Variants in RPS6KA5 observed in about 807,000 individuals in gnomAD.
RPS6KA5 encodes ribosomal protein S6 kinase alpha-5.
Under a neutral mutation model 85.5 loss-of-function variants are expected in RPS6KA5, and 27 were observed. The observed-to-expected ratio is 0.32, with a 90% CI of 0.23 to 0.44. RPS6KA5 has a LOEUF of 0.44. Among genes scored for constraint, RPS6KA5 ranks in the 20% least tolerant of loss-of-function variants. The pLI is 1.00. For synonymous variants in RPS6KA5, 334 were observed against 348.2 expected (o/e 0.96, Z 0.46); for missense variants, 811 against 980.9 (o/e 0.83, Z 2.31).
At chr14:91,015,765 C>A (rs539592661) in intron 1 of RPS6KA5, among the ~76,000 whole-genome samples, 1 of 152,204 alleles carries the variant, frequency 6.6e-6, no homozygotes. Flanking sequence ...CTTGTTCTTA[C>A]AGCAATAAAC....
intron 3 of RPS6KA5, among the ~76,000 whole-genome samples, chr14:90,970,815 T>G (rs1404317774): frequency 1.3e-5 from 2 of 151,834 alleles, no homozygotes; most frequent in Non-Finnish European, 2.9e-5. Flanking sequence ...GTTACAAGAT[T>G]TGGGAAAAGT....
intron 13 of RPS6KA5, among the ~76,000 whole-genome samples, chr14:90,891,513 G>A (rs2034555451): frequency 6.6e-6 from 1 of 152,032 alleles, no homozygotes; most frequent in Non-Finnish European, 1.5e-5. Flanking sequence ...GAAAGTAAGT[G>A]AAATCTGATT....
intron 4 of RPS6KA5, among the ~76,000 whole-genome samples, chr14:90,946,280 T>C (rs2037865296): frequency 6.9e-6 from 1 of 145,284 alleles, no homozygotes; most frequent in African/African-American, 2.6e-5. Context: ...TTCCTCTCCA[T>C]TGTGCTGCAG....
At chr14:90,997,354 G>T (rs927306594) in intron 2 of RPS6KA5, among the ~76,000 whole-genome samples, 10 of 152,180 alleles carry the variant, frequency 6.6e-5, no homozygotes, top group African/African-American at 1.9e-4. Context: ...ACTTGTACAT[G>T]AATGTTCATA....
intron 1 of RPS6KA5, among the ~76,000 whole-genome samples, chr14:91,008,631 G>A (rs2041131025): frequency 6.6e-6 from 1 of 152,184 alleles, no homozygotes; most frequent in Non-Finnish European, 1.5e-5. Flanking sequence ...AAAGGTATAA[G>A]TAGAAATAAC....
rs756989172 is a variant in RPS6KA5 at position 91,001,128 on chromosome 14, T to A, written c.135A>T (p.Gly45=). Residue 45 remains glycine, a synonymous_variant, in exon 2 of 17, where the codon GGA becomes GGT. Transcript: ENST00000614987. ...ANLTGHAEKV[G]IENFELLKVL... The stretch of plus-strand genomic sequence containing the variant: ...CCTTCAGGAGCTCAAAATTTTCTAT[T>A]CCCACCTTCTCAGCATGTCCTGTCA... The A allele has an allele frequency of 1.2e-6, 2 of 1,602,782 alleles. No homozygotes were observed. The highest frequency in any genetic ancestry group is 1.7e-6 in the Non-Finnish European group (2 of 1,174,524).
chr14:90,894,019 T>G (rs1407368918), intron 13 of RPS6KA5: 1 of 902,712 alleles, frequency 1.1e-6, no homozygotes, highest in African/African-American at 1.8e-5. Flanking sequence ...CTAACCAATT[T>G]GATTACAAAT....
chr14:90,983,874 T>C (rs2039941850), intron 2 of RPS6KA5, among the ~76,000 whole-genome samples: 1 of 149,012 alleles, frequency 6.7e-6, no homozygotes, highest in Non-Finnish European at 1.5e-5. Flanking sequence ...TGACCAAGTC[T>C]TGCTCTGTCG....
At chr14:90,919,587 C>T (rs565336081) in intron 7 of RPS6KA5, among the ~76,000 whole-genome samples, 36 of 152,194 alleles carry the variant, frequency 2.4e-4, no homozygotes, top group Admixed American at 5.2e-4. Context: ...CAAATATTTA[C>T]GGCATTCTAT....
chr14:90,938,203 G>C (rs1167025907), intron 5 of RPS6KA5, among the ~76,000 whole-genome samples: 1 of 152,202 alleles, frequency 6.6e-6, no homozygotes, highest in East Asian at 1.9e-4. Flanking sequence ...AAATCTTAAA[G>C]CTCCAAAATG....
At chr14:91,042,655 C>T (rs1056544033) in intron 1 of RPS6KA5, among the ~76,000 whole-genome samples, 1 of 152,118 alleles carries the variant, frequency 6.6e-6, no homozygotes, top group Non-Finnish European at 1.5e-5. Flanking sequence ...CCCATATCTT[C>T]CTGCCACCAA....
chr14:90,929,352 C>CT (rs1435678974), intron 5 of RPS6KA5, among the ~76,000 whole-genome samples: 1 of 151,992 alleles, frequency 6.6e-6, no homozygotes, highest in African/African-American at 2.4e-5. Context: ...ATGGTTCTGA[C>CT]TTTTTTCTTT....
At chr14:90,978,068 A>G (rs2039642706) in intron 3 of RPS6KA5, among the ~76,000 whole-genome samples, 1 of 152,144 alleles carries the variant, frequency 6.6e-6, no homozygotes, top group Non-Finnish European at 1.5e-5. Flanking sequence ...AAAAGAAAAG[A>G]AAAAAAGACT....
In RPS6KA5 at chr14:91,031,037, T is replaced by A. The variant is rs77280109; in HGVS notation, c.103+29295A>T. ...AAGGAGTTTTAATGGGCATACTCAG[T>A]GCTTAGCAAATAAATTTTAAAATAT... On this transcript the variant is annotated intron_variant, in intron 1 of 16. Transcript: ENST00000614987. 3.7e-3 allele frequency among the ~76,000 whole-genome samples: 571 copies of A among 152,272 alleles called. 38 individuals are homozygous for A. In the East Asian group the frequency reaches 0.094, roughly 25 times the overall value.
rs2032354957 is a variant in RPS6KA5 at position 90,857,718 on chromosome 14, C to T, written c.*14356G>A. The T allele has an allele frequency of 6.6e-6, 1 of 152,104 alleles. No individual in the cohort carries two copies. The highest frequency in any genetic ancestry group is 2.1e-4 in the South Asian group (1 of 4,832). 9.4% of individuals were successfully genotyped at this position (152,104 alleles called of 1,614,324 possible). A position where few individuals can be genotyped will look rare whatever the true frequency, so the allele number is the denominator to read the frequency against. Reference sequence around the variant, plus strand: ...ATGTAATCATCTAAAAGATTCCAGTCTCTTTTTTCTCACTCCCAACCCCCA... The same window carrying T: ...ATGTAATCATCTAAAAGATTCCAGTTTCTTTTTTCTCACTCCCAACCCCCA... On this transcript the variant is annotated 3_prime_UTR_variant, in exon 17 of 17. Coordinates refer to ENST00000614987, the MANE Select transcript of RPS6KA5 (RefSeq NM_004755.4).
At chr14:90,937,853 G>A (rs1023959657) in intron 5 of RPS6KA5, among the ~76,000 whole-genome samples, 4 of 152,092 alleles carry the variant, frequency 2.6e-5, no homozygotes, top group African/African-American at 9.7e-5. Context: ...CCCACAACAT[G>A]CGGGAATTCA....
At position 90,870,302 on chromosome 14, in the gene RPS6KA5, T is replaced by C. The variant is rs2033017710; in HGVS notation, c.*1772A>G. 6.6e-6 allele frequency: 1 copy of C among 152,202 alleles called. No individual in the cohort carries two copies. Among genetic ancestry groups the C allele is most frequent in the South Asian group, 2.1e-4 (1 of 4,836 alleles). The allele number at this position is 152,202 out of a possible 1,614,324, so 9.4% of individuals were successfully genotyped here. On this transcript the variant is annotated 3_prime_UTR_variant, in exon 17 of 17. Coordinates refer to ENST00000614987, the MANE Select transcript of RPS6KA5 (RefSeq NM_004755.4). ...GAATTAGCAATAGTTTGGTAATAATTCACACAAAATTTCCCATAATTACTA... is the reference window on the plus strand; with the variant it reads ...GAATTAGCAATAGTTTGGTAATAATCCACACAAAATTTCCCATAATTACTA...
chr14:90,890,728 A>C (rs1358500165), intron 13 of RPS6KA5, 50 bp from the exon 14 acceptor site: 4 of 1,494,268 alleles, frequency 2.7e-6, no homozygotes, highest in Non-Finnish European at 3.7e-6. Flanking sequence ...ATGTCTTGGG[A>C]ATTGCTGGTA....
At chr14:91,020,368 T>C (rs2041695274) in intron 1 of RPS6KA5, among the ~76,000 whole-genome samples, 2 of 152,166 alleles carry the variant, frequency 1.3e-5, no homozygotes, top group African/African-American at 2.4e-5. Context: ...ACAATTTACA[T>C]TGTATTAGGT....
Sources: gnomAD v4.1 joint callset for allele counts (sites outside exome capture counted in the v4.1 genomes callset) on GRCh38, gnomAD v4.1.1 for gene constraint, MANE v1.5 for transcripts, NCBI Gene and HGNC (gene_info 2026-07-23, HGNC 2026-07-21) for gene names.